Variants in RBFOX1 observed in about 807,000 individuals in gnomAD.
RBFOX1 encodes the protein RNA binding fox-1 homolog 1.
In RBFOX1, 8 loss-of-function variants were observed where a neutral mutation model predicts 57.7. The observed-to-expected ratio is 0.14, with a 90% CI of 0.08 to 0.25. RBFOX1 has a LOEUF of 0.25. RBFOX1 is among the 10% of genes least tolerant of loss of function. The pLI is 1.00. For missense variants in RBFOX1, 611 were observed against 548.5 expected, an observed-to-expected ratio of 1.11 and a Z score of -1.14; for synonymous variants, 326 against 222.4, an observed-to-expected ratio of 1.47 and a Z score of -4.15.
chr16:7,471,537 T>C (rs2061554279), intron 4 of RBFOX1, among the ~76,000 whole-genome samples: 1 of 152,200 alleles, frequency 6.6e-6, no homozygotes, highest in Non-Finnish European at 1.5e-5. Flanking sequence ...AGTTTACTTC[T>C]GAACATCAGT....
chr16:7,650,105 A>G (rs1453741844), intron 11 of RBFOX1, among the ~76,000 whole-genome samples: 2 of 143,258 alleles, frequency 1.4e-5, no homozygotes, highest in Admixed American at 7.0e-5. Flanking sequence ...AAAAAGGAGC[A>G]AGTATAAGAA....
chr16:5,635,874 T>C (rs537379647), intron 3 of RBFOX1, among the ~76,000 whole-genome samples: 3 of 152,162 alleles, frequency 2.0e-5, no homozygotes, highest in Admixed American at 6.5e-5. Flanking sequence ...GTGTTATAGA[T>C]ACACCAGCTA....
chr16:6,113,934 C>G (rs960656215), intron 1 of RBFOX1, among the ~76,000 whole-genome samples: 1 of 152,158 alleles, frequency 6.6e-6, no homozygotes, highest in Admixed American at 6.5e-5. Flanking sequence ...CGATCTGATA[C>G]TCTAGGGCTG....
intron 1 of RBFOX1, among the ~76,000 whole-genome samples, chr16:6,138,061 G>A (rs535622286): frequency 1.3e-4 from 20 of 152,304 alleles, no homozygotes; most frequent in Non-Finnish European, 2.6e-4. Context: ...TGGCCTCACA[G>A]GTTATTTGTT....
intron 1 of RBFOX1, among the ~76,000 whole-genome samples, chr16:6,234,498 T>G (rs991400553): frequency 2.6e-5 from 4 of 152,192 alleles, no homozygotes; most frequent in Admixed American, 2.6e-4. Flanking sequence ...GAAATAGTTT[T>G]GAAAGAATGG....
chr16:6,190,042 A>T (rs1567644007), intron 1 of RBFOX1, among the ~76,000 whole-genome samples: 1 of 152,106 alleles, frequency 6.6e-6, no homozygotes, highest in Non-Finnish European at 1.5e-5. Context: ...TTGTGAAGTT[A>T]TCTATGTTTG....
chr16:7,489,571 G>C (rs182822169), intron 4 of RBFOX1, among the ~76,000 whole-genome samples: 31 of 151,998 alleles, frequency 2.0e-4, no homozygotes, highest in Non-Finnish European at 3.8e-4. Context: ...GCTGGAATGC[G>C]GTGGTACCAT....
chr16:7,003,432 C>T (rs1432221335), intron 3 of RBFOX1, among the ~76,000 whole-genome samples: 2 of 150,870 alleles, frequency 1.3e-5, no homozygotes, highest in African/African-American at 4.9e-5. Flanking sequence ...TGTACTGCAG[C>T]CTGGTGACAG....
At chr16:7,151,706 A>G (rs1381999657) in intron 4 of RBFOX1, among the ~76,000 whole-genome samples, 1 of 152,100 alleles carries the variant, frequency 6.6e-6, no homozygotes, top group South Asian at 2.1e-4. Flanking sequence ...AACTCACCAT[A>G]ATGTAGAATC....
chr16:6,440,638 T>C (rs567005003), intron 2 of RBFOX1, among the ~76,000 whole-genome samples: 1 of 151,914 alleles, frequency 6.6e-6, no homozygotes, highest in East Asian at 1.9e-4. Flanking sequence ...CTGTCTTTAC[T>C]AAAAGTACAA....
intron 14 of RBFOX1, among the ~76,000 whole-genome samples, chr16:7,702,869 C>T (rs1254916439): frequency 1.3e-5 from 2 of 152,190 alleles, no homozygotes; most frequent in Non-Finnish European, 1.5e-5. Context: ...GAAAAGTCCT[C>T]AAACCCCAAA....
At chr16:7,345,693 T>C (rs939544049) in intron 4 of RBFOX1, among the ~76,000 whole-genome samples, 18 of 152,166 alleles carry the variant, frequency 1.2e-4, no homozygotes, top group Non-Finnish European at 2.4e-4. Flanking sequence ...CGTCTGGGGA[T>C]GGATAAAAAG....
intron 3 of RBFOX1, among the ~76,000 whole-genome samples, chr16:6,870,936 A>G (rs751978573): frequency 6.6e-6 from 1 of 152,194 alleles, no homozygotes; most frequent in Non-Finnish European, 1.5e-5. Flanking sequence ...TTCCATTTCT[A>G]TCCGTAAGTG....
intron 3 of RBFOX1, among the ~76,000 whole-genome samples, chr16:6,863,498 A>C (rs2059364738): frequency 6.6e-6 from 1 of 152,022 alleles, no homozygotes; most frequent in South Asian, 2.1e-4. Context: ...CAAGTAGAAC[A>C]CATAGCAGGA....
At chr16:6,562,631 A>C (rs79524783) in intron 2 of RBFOX1, among the ~76,000 whole-genome samples, 4,337 of 152,258 alleles carry the variant, frequency 0.028, 212 homozygotes, top group African/African-American at 0.099. Context: ...TGTACTAATA[A>C]ATACTTTTAG....
At chr16:7,107,001 A>G (rs1380356056) in intron 4 of RBFOX1, among the ~76,000 whole-genome samples, 6 of 151,894 alleles carry the variant, frequency 4.0e-5, no homozygotes, top group Admixed American at 3.9e-4. Context: ...ACACACACAC[A>G]CACACACTAA....
chr16:6,566,840 T>G (rs1430605278), intron 2 of RBFOX1, among the ~76,000 whole-genome samples: 2 of 152,346 alleles, frequency 1.3e-5, no homozygotes, highest in Admixed American at 1.3e-4. Context: ...GTCGAGACAC[T>G]GTTTGATATT....
chr16:6,897,452 G>T (rs1029030340), intron 3 of RBFOX1, among the ~76,000 whole-genome samples: 2 of 152,148 alleles, frequency 1.3e-5, no homozygotes, highest in Non-Finnish European at 2.9e-5. Context: ...TCCTGACACA[G>T]ATTAAAACGT....
intron 2 of RBFOX1, among the ~76,000 whole-genome samples, chr16:6,318,472 C>A (rs1378665842): frequency 6.6e-6 from 1 of 152,034 alleles, no homozygotes; most frequent in Non-Finnish European, 1.5e-5. Context: ...CTCATAGATG[C>A]CTTTGTTGGT....
Sources: allele counts gnomAD v4.1 joint callset (sites outside exome capture counted in the v4.1 genomes callset), GRCh38; gene constraint gnomAD v4.1.1; transcripts MANE v1.5; gene names NCBI Gene and HGNC (gene_info 2026-07-23, HGNC 2026-07-21).